TENM2: variants seen among roughly 807,000 people sequenced by gnomAD.
TENM2 encodes the protein teneurin-2.
In TENM2, 52 loss-of-function variants were observed where a neutral mutation model predicts 245.2. The ratio of observed to expected loss-of-function variants is 0.21; its 90% CI spans 0.17 to 0.27. The LOEUF (loss-of-function observed/expected upper bound fraction) is 0.27. TENM2 is among the 10% of genes least tolerant of loss of function. TENM2 has a pLI of 1.00. For synonymous variants in TENM2, 1,363 were observed against 1,438.9 expected (o/e 0.95, Z 1.19); for missense variants, 3,046 against 3,666.8 (o/e 0.83, Z 4.37).
At chr5:168,068,155 A>G (rs759560953) in intron 7 of TENM2, among the ~76,000 whole-genome samples, 1 of 152,148 alleles carries the variant, frequency 6.6e-6, no homozygotes, top group East Asian at 1.9e-4. Flanking sequence ...TACTGAGCAG[A>G]GCAAGGAGAA....
rs1562120882 is a variant in TENM2 at position 168,070,812 on chromosome 5, AG to A, written c.1515+8548del. 2.1e-4 allele frequency among the ~76,000 whole-genome samples: 29 copies of A among 136,296 alleles called. No individual in the cohort carries two copies. In the East Asian group the frequency reaches 3.3e-3, roughly 16 times the overall value. The allele number at this position is 136,296 out of a possible 152,430, so 89.4% of individuals were successfully genotyped here. On this transcript the variant is annotated intron_variant, in intron 7 of 28. Coordinates refer to ENST00000518659, the Ensembl canonical transcript of TENM2. ...GAAAGAAAGAGAGAGAGAGAGAGAG[AG>A]AGAGAGAAAAAAAGAAAGAAGAAAA...
intron 4 of TENM2, among the ~76,000 whole-genome samples, chr5:167,982,027 T>A (rs2617979): frequency 0.2 from 29,422 of 150,810 alleles, 3,567 homozygotes; most frequent in African/African-American, 0.34. Context: ...CCAGATCCCA[T>A]GCCTTCAAGC....
chr5:167,332,629 A>G (rs1757528606), intron 1 of TENM2, among the ~76,000 whole-genome samples: 1 of 152,154 alleles, frequency 6.6e-6, no homozygotes. Context: ...GGGATTCTTA[A>G]TGTGACCTAT....
At position 167,565,770 on chromosome 5, in the gene TENM2, A is replaced by G. The variant is rs564607751; in HGVS notation, c.502+190297A>G. On this transcript the variant is annotated intron_variant, in intron 2 of 28. Coordinates refer to ENST00000518659, the Ensembl canonical transcript of TENM2. ...GGATTGAAATTCAATCACTTTATCT[A>G]TTGCACTATACTGCCTCTCAGTGGT... Among the ~76,000 whole-genome samples the G allele has an allele frequency of 4.2e-4, 64 of 152,252 alleles. 1 individual carries two copies. In the South Asian group the frequency reaches 7.7e-3, roughly 18 times the overall value.
At chr5:168,240,184 C>T (rs1311238770) in intron 25 of TENM2, among the ~76,000 whole-genome samples, 2 of 152,250 alleles carry the variant, frequency 1.3e-5, no homozygotes, top group Non-Finnish European at 2.9e-5. Context: ...CGTGCCACTG[C>T]ACTCCAGCCT....
the TENM2 span, among the ~76,000 whole-genome samples, chr5:167,162,263 T>G: frequency 6.6e-6 from 1 of 152,106 alleles, no homozygotes; most frequent in African/African-American, 2.4e-5. Flanking sequence ...TTATAGATAG[T>G]TTTGAGAATA....
Position 167,609,488 on chromosome 5 carries a change from C to CAAAAAAAAAA in TENM2, c.502+234030_502+234039dup, listed in dbSNP as rs5873049. Among the ~76,000 whole-genome samples the CAAAAAAAAAA allele has an allele frequency of 5.2e-3, 189 of 36,682 alleles. 5 individuals carry two copies. Among genetic ancestry groups the CAAAAAAAAAA allele is most frequent in the East Asian group, 0.015 (13 of 852 alleles). The allele number at this position is 36,682 out of a possible 152,430, so 24.1% of individuals were successfully genotyped here. A position where few individuals can be genotyped will look rare whatever the true frequency, so the allele number is the denominator to read the frequency against. On this transcript the variant is annotated intron_variant, in intron 2 of 28. Transcript: ENST00000518659. ...TGCCTTTTTTCTTTGCCTGATGATG[C>CAAAAAAAAAA]AAAAAAAAAAAAAAAAAAAAAAAAC...
At chr5:167,834,780 G>A (rs1768830106) in intron 2 of TENM2, among the ~76,000 whole-genome samples, 1 of 151,838 alleles carries the variant, frequency 6.6e-6, no homozygotes, top group African/African-American at 2.4e-5. Context: ...CTCCCGAGTA[G>A]CTTGGGCTAC....
chr5:167,140,690 G>A, the TENM2 span, among the ~76,000 whole-genome samples: 1 of 152,122 alleles, frequency 6.6e-6, no homozygotes, highest in Non-Finnish European at 1.5e-5. Flanking sequence ...ACACTTGGTG[G>A]CAGAACTGTC....
chr5:167,869,714 T>G (rs1419757324), intron 2 of TENM2, among the ~76,000 whole-genome samples: 1 of 152,178 alleles, frequency 6.6e-6, no homozygotes, highest in Non-Finnish European at 1.5e-5. Context: ...GAAGGCTTGA[T>G]GAAGAATATC....
intron 2 of TENM2, among the ~76,000 whole-genome samples, chr5:167,705,476 G>A (rs1758441926): frequency 6.6e-6 from 1 of 152,116 alleles, no homozygotes; most frequent in Non-Finnish European, 1.5e-5. Context: ...ACCTGTGGCT[G>A]TATTATTGGA....
intron 3 of TENM2, among the ~76,000 whole-genome samples, chr5:167,950,567 G>T (rs186410470): frequency 1.3e-5 from 2 of 152,066 alleles, no homozygotes; most frequent in African/African-American, 4.8e-5. Flanking sequence ...GGCAAGTCTC[G>T]TAATTACCTA....
chr5:167,730,953 G>T (rs1760380689), intron 2 of TENM2, among the ~76,000 whole-genome samples: 1 of 152,144 alleles, frequency 6.6e-6, no homozygotes, highest in Non-Finnish European at 1.5e-5. Flanking sequence ...CATTGGTTCA[G>T]TTATAAGACA....
At chr5:167,219,300 AAAACAAACAAAC>A in the TENM2 span, among the ~76,000 whole-genome samples, 25 of 150,536 alleles carry the variant, frequency 1.7e-4, no homozygotes, top group South Asian at 4.2e-4. Context: ...ACCCAATTTC[AAAACAAACAAAC>A]AAACAAACAA....
At chr5:167,030,170 T>C in the TENM2 span, among the ~76,000 whole-genome samples, 1 of 152,230 alleles carries the variant, frequency 6.6e-6, no homozygotes, top group South Asian at 2.1e-4. Flanking sequence ...TTTTTCTTCC[T>C]GAGCTCTTTA....
At chr5:167,497,642 C>T (rs1245150897) in intron 2 of TENM2, among the ~76,000 whole-genome samples, 4 of 152,022 alleles carry the variant, frequency 2.6e-5, no homozygotes, top group Non-Finnish European at 5.9e-5. Flanking sequence ...TAGAAAAAAT[C>T]GTTGTGCCTT....
chr5:167,113,847 T>C, the TENM2 span, among the ~76,000 whole-genome samples: 1 of 152,206 alleles, frequency 6.6e-6, no homozygotes, highest in East Asian at 1.9e-4. Context: ...TCCTTAGTCC[T>C]AGAAGACGAG....
intron 1 of TENM2, among the ~76,000 whole-genome samples, chr5:167,338,149 G>A (rs1757886239): frequency 6.6e-6 from 1 of 152,128 alleles, no homozygotes; most frequent in South Asian, 2.1e-4. Context: ...TGCCCACTGT[G>A]GTTATTCAGC....
intron 2 of TENM2, among the ~76,000 whole-genome samples, chr5:167,820,579 T>C (rs1387539995): frequency 1.3e-5 from 2 of 152,200 alleles, no homozygotes; most frequent in African/African-American, 2.4e-5. Context: ...GAGAATCTGG[T>C]GTGGCCTGGA....
Sources: gnomAD v4.1 joint callset for allele counts (sites outside exome capture counted in the v4.1 genomes callset) on GRCh38, gnomAD v4.1.1 for gene constraint, MANE v1.5 for transcripts, NCBI Gene and HGNC (gene_info 2026-07-23, HGNC 2026-07-21) for gene names.